The following TMC8 variants were observed in gnomAD, a reference collection of about 807,000 sequenced individuals.
TMC8 encodes transmembrane channel-like protein 8.
A neutral mutation model predicts 76.0 loss-of-function variants in TMC8; 71 were observed. The ratio of observed to expected loss-of-function variants is 0.93; its 90% CI spans 0.77 to 1.14. TMC8 has a LOEUF of 1.14. Among genes scored for constraint, TMC8 ranks in the 50% most tolerant of loss-of-function variants. The pLI, the probability that TMC8 is intolerant of heterozygous loss-of-function variation, is 0.00. For missense variants in TMC8, 924 were observed against 947.9 expected, an observed-to-expected ratio of 0.97 and a Z score of 0.33; for synonymous variants, 433 against 433.8, an observed-to-expected ratio of 1.00 and a Z score of 0.02.
intron 14 of TMC8, 51 bp from the exon 15 acceptor site, chr17:78,139,111 G>A (rs1481013536): frequency 3.1e-6 from 5 of 1,608,848 alleles, no homozygotes; most frequent in African/African-American, 2.7e-5. Context: ...GTCAGGGAGA[G>A]GCGCCTGTGG....
chr17:78,136,795 C>A, intron 9 of TMC8: 1 of 319,502 alleles, frequency 3.1e-6, no homozygotes, highest in South Asian at 2.6e-5. Context: ...GGCGCCGTGG[C>A]CCACACCTGT....
Position 78,131,680 on chromosome 17 carries a change from G to A in TMC8, c.92G>A (p.Gly31Asp). ...GAGGCAGAGATGGAGCGGCTGCGCGGCTCTGGGACGCCCGTGCGCGGGCTG... is the reference window on the plus strand; with the variant it reads ...GAGGCAGAGATGGAGCGGCTGCGCGACTCTGGGACGCCCGTGCGCGGGCTG... Reference protein sequence around the residue: ...LWEAEMERLRGSGTPVRGLPY... With the variant: ...LWEAEMERLRDSGTPVRGLPY... The change falls in exon 2 of 16, where the codon GGC (glycine) becomes GAC (aspartate). Residue 31 changes from glycine (G) to aspartate (D), a missense_variant. Physicochemically the swap from Gly to Asp is moderately conservative, Grantham distance 94. Coordinates refer to ENST00000318430, the MANE Select transcript of TMC8 (RefSeq NM_152468.5). The A allele has an allele frequency of 2.5e-6, 4 of 1,574,714 alleles. No individual in the cohort carries two copies. The highest frequency in any genetic ancestry group is 3.4e-6 in the Non-Finnish European group (4 of 1,161,842).
chr17:78,140,933 G>A lies in TMC8; in HGVS notation c.2002G>A (p.Ala668Thr). ...SPGPKYPASQ[A>T]SRPQSFCPGC... ...GGGCCCCAAGTACCCTGCCTCCCAA[G>A]CTTCGCGCCCGCAGTCCTTCTGCCC... The change falls in exon 16 of 16, where the codon GCT becomes ACT. Residue 668 changes from alanine to threonine, a missense_variant. Ala to Thr is a moderately conservative substitution (Grantham distance 58). Transcript: ENST00000318430. 6.3e-7 allele frequency: 1 copy of A among 1,598,646 alleles called. No individual in the cohort carries two copies. The highest frequency in any genetic ancestry group is 8.5e-7 in the Non-Finnish European group (1 of 1,173,416).
At chr17:78,132,651 TG>T (rs1161102685) in intron 4 of TMC8, 136 bp from the exon 5 acceptor site, 3 of 1,490,826 alleles carry the variant, frequency 2.0e-6, no homozygotes, top group African/African-American at 2.8e-5. Flanking sequence ...GACCTCGCCT[TG>T]TGTGGGGCAC....
intron 6 of TMC8, 88 bp downstream of exon 6, chr17:78,133,630 G>A (rs2075111504): frequency 6.3e-7 from 1 of 1,591,812 alleles, no homozygotes; most frequent in Non-Finnish European, 8.5e-7. Context: ...CCATTGGCAG[G>A]AAGGCCCATG....
Position 78,139,305 on chromosome 17 carries a change from C to T in TMC8, c.1902+65C>T, listed in dbSNP as rs187338088. 1.2e-5 allele frequency: 19 copies of T among 1,584,602 alleles called. No homozygotes were observed. In the Admixed American group the frequency reaches 2.3e-4, roughly 20 times the overall value. ...GTGGAAACCCTTCCCTATGTGTGGC[C>T]GAGGGCCTAGAACACGTCTGAGCGG... On this transcript the variant is annotated intron_variant, in intron 15 of 15. Coordinates refer to ENST00000318430, the MANE Select transcript of TMC8 (RefSeq NM_152468.5).
Position 78,142,525 on chromosome 17 carries a change from G to C in TMC8, c.*1413G>C, listed in dbSNP as rs904037329. The C allele has an allele frequency of 6.6e-6, 1 of 152,320 alleles. No homozygotes were observed. Among genetic ancestry groups the C allele is most frequent in the African/African-American group, 2.4e-5 (1 of 41,460 alleles). The allele number at this position is 152,320 out of a possible 1,614,324, so 9.4% of individuals were successfully genotyped here. A position where few individuals can be genotyped will look rare whatever the true frequency, so the allele number is the denominator to read the frequency against. Reference sequence around the variant, plus strand: ...CCGTCCTTGTCTCACCCAGCATCACGACGCATCAGTTCACCAACAAACACG... The same window carrying C: ...CCGTCCTTGTCTCACCCAGCATCACCACGCATCAGTTCACCAACAAACACG... On this transcript the variant is annotated 3_prime_UTR_variant, in exon 16 of 16. Transcript: ENST00000318430.
rs2075002072 is a variant in TMC8 at position 78,132,037 on chromosome 17, C to A, written c.298+7C>A. 3.3e-6 allele frequency: 5 copies of A among 1,534,574 alleles called. No individual in the cohort carries two copies. Among genetic ancestry groups the A allele is most frequent in the Non-Finnish European group, 4.4e-6 (5 of 1,146,264 alleles). ...GCGCTCTACGAGATCGGGGGTAGGACCCGCGCGACCCGCACCTCCCCTTGC... is the reference window on the plus strand; with the variant it reads ...GCGCTCTACGAGATCGGGGGTAGGAACCGCGCGACCCGCACCTCCCCTTGC... On this transcript the variant is annotated splice_region_variant and intron_variant, in intron 3 of 15. Coordinates refer to ENST00000318430, the MANE Select transcript of TMC8 (RefSeq NM_152468.5).
At chr17:78,138,852 C>A (rs1424163225) in intron 14 of TMC8, 120 bp downstream of exon 14, 9 of 1,550,424 alleles carry the variant, frequency 5.8e-6, no homozygotes, top group Non-Finnish European at 7.8e-6. Context: ...CCAAGGGAAG[C>A]AGGGGCCTCT....
chr17:78,134,249 G>T, intron 7 of TMC8, 145 bp from the exon 8 acceptor site: 1 of 1,125,590 alleles, frequency 8.9e-7, no homozygotes, highest in Non-Finnish European at 1.3e-6. Context: ...GAATCTGAGT[G>T]TCTATGGGAG....
chr17:78,137,378 G>T lies in TMC8; in HGVS notation c.1251+20G>T. ...TATCAGGTGGCTGGCAGCCCGGCGG[G>T]GCCTGTCCCTCCCTTCCTTCTCCCC... On this transcript the variant is annotated intron_variant, in intron 10 of 15. Coordinates refer to ENST00000318430, the MANE Select transcript of TMC8 (RefSeq NM_152468.5). 1.2e-6 allele frequency: 2 copies of T among 1,613,588 alleles called. No individual in the cohort carries two copies.
At chr17:78,136,300 C>CA (rs2075227774) in intron 9 of TMC8, among the ~76,000 whole-genome samples, 1 of 151,878 alleles carries the variant, frequency 6.6e-6, no homozygotes, top group Admixed American at 6.6e-5. Flanking sequence ...CCCGTCTCTA[C>CA]AAAAAATACA....
chr17:78,133,870 C>T lies in TMC8; in HGVS notation c.686C>T (p.Pro229Leu), dbSNP rs773074189. 69 of 1,613,166 alleles carry T rather than the reference C, an allele frequency of 4.3e-5. No homozygotes were observed. The highest frequency in any genetic ancestry group is 3.2e-4 in the Admixed American group (19 of 60,006). Residue 229 changes from proline (P) to leucine (L), a missense_variant, in exon 7 of 16, where the codon CCG becomes CTG. Physicochemically the swap from Pro to Leu is moderately conservative, Grantham distance 98. Transcript: ENST00000318430. ...CCCCGCAGGATGGTGAAGGGGCTGCCGCAGAAGACTCTGCTGGGTCAGGGC... is the reference window on the plus strand; with the variant it reads ...CCCCGCAGGATGGTGAAGGGGCTGCTGCAGAAGACTCTGCTGGGTCAGGGC... Reference protein sequence around the residue: ...GTLRRMVKGLPQKTLLGQGYQ... With the variant: ...GTLRRMVKGLLQKTLLGQGYQ...
intron 7 of TMC8, 30 bp downstream of exon 7, chr17:78,134,030 A>G: frequency 1.2e-6 from 2 of 1,613,538 alleles, no homozygotes; most frequent in Non-Finnish European, 1.7e-6. Context: ...CCTGAGATCC[A>G]CAAGCTCCAG....
At chr17:78,134,767 T>C in intron 8 of TMC8, 103 bp from the exon 9 acceptor site, 1 of 1,585,776 alleles carries the variant, frequency 6.3e-7, no homozygotes, top group Non-Finnish European at 8.6e-7. Context: ...GGCGACCCTA[T>C]TCTGGGCCTG....
In TMC8 at chr17:78,142,530, A is replaced by C. The variant is rs2075389864; in HGVS notation, c.*1418A>C. 1 of 152,320 alleles carries C rather than the reference A, an allele frequency of 6.6e-6. No homozygotes were observed. Among genetic ancestry groups the C allele is most frequent in the South Asian group, 2.1e-4 (1 of 4,842 alleles). 9.4% of individuals were successfully genotyped at this position (152,320 alleles called of 1,614,324 possible). A position where few individuals can be genotyped will look rare whatever the true frequency, so the allele number is the denominator to read the frequency against. On this transcript the variant is annotated 3_prime_UTR_variant, in exon 16 of 16. Coordinates refer to ENST00000318430, the MANE Select transcript of TMC8 (RefSeq NM_152468.5). ...CTTGTCTCACCCAGCATCACGACGC[A>C]TCAGTTCACCAACAAACACGATTCA...
At chr17:78,134,614 G>A (rs773504319) in intron 8 of TMC8, 50 bp downstream of exon 8, 11 of 1,607,104 alleles carry the variant, frequency 6.8e-6, no homozygotes, top group Non-Finnish European at 9.3e-6. Flanking sequence ...GCGGGGGTGA[G>A]ACAGGATGAT....
chr17:78,141,042 C>T lies in TMC8; in HGVS notation c.2111C>T (p.Pro704Leu). The change falls in exon 16 of 16, where the codon CCT becomes CTT. Residue 704 changes from proline to leucine, a missense_variant. By Grantham distance (98) the Pro-to-Leu change is moderately conservative (BLOSUM62 -3). Coordinates refer to ENST00000318430, the MANE Select transcript of TMC8 (RefSeq NM_152468.5). ...SVVDAAGLRSPCPGQHGAPAS... is the reference protein window; with the variant it reads ...SVVDAAGLRSLCPGQHGAPAS... The stretch of plus-strand genomic sequence containing the variant: ...GTGGATGCCGCGGGACTGCGTTCCC[C>T]TTGCCCTGGACAGCACGGTGCCCCG... The T allele has an allele frequency of 6.2e-7, 1 of 1,605,706 alleles. No individual in the cohort carries two copies. Among genetic ancestry groups the T allele is most frequent in the Non-Finnish European group, 8.5e-7 (1 of 1,177,880 alleles).
intron 9 of TMC8, among the ~76,000 whole-genome samples, chr17:78,136,325 G>T (rs978820160): frequency 6.6e-6 from 1 of 151,988 alleles, no homozygotes; most frequent in African/African-American, 2.4e-5. Context: ...AATTAACTGG[G>T]CATGATGAAA....
Sources: allele counts gnomAD v4.1 joint callset (sites outside exome capture counted in the v4.1 genomes callset), GRCh38; gene constraint gnomAD v4.1.1; transcripts MANE v1.5; gene names NCBI Gene and HGNC (gene_info 2026-07-23, HGNC 2026-07-21).